The following ARMC8 variants were observed in gnomAD, a reference collection of about 807,000 sequenced individuals.
ARMC8 encodes armadillo repeat-containing protein 8.
ARMC8 carries 20 observed loss-of-function variants against 99.3 expected under a neutral mutation model. The observed-to-expected ratio is 0.20, with a 90% CI of 0.14 to 0.29. The LOEUF is 0.29. ARMC8 is among the 10% of genes least tolerant of loss of function. The probability of loss-of-function intolerance (pLI) is 1.00; values close to 1 mark genes in which losing one functional copy is unlikely to be tolerated. For synonymous variants in ARMC8, 263 were observed against 278.3 expected (o/e 0.95, Z 0.55); for missense variants, 569 against 809.5 (o/e 0.70, Z 3.60).
At chr3:138,267,911 T>G (rs887868877) in intron 15 of ARMC8, among the ~76,000 whole-genome samples, 1 of 152,200 alleles carries the variant, frequency 6.6e-6, no homozygotes, top group East Asian at 1.9e-4. Flanking sequence ...ATAACACTTG[T>G]AGGCATTGAC....
At chr3:138,265,182 GC>G (rs1393024073) in intron 14 of ARMC8, among the ~76,000 whole-genome samples, 1 of 152,068 alleles carries the variant, frequency 6.6e-6, no homozygotes. Context: ...ACAGGTATGA[GC>G]CACCATGCCT....
chr3:138,254,960 C>T (rs2047308520), intron 12 of ARMC8, among the ~76,000 whole-genome samples: 1 of 152,082 alleles, frequency 6.6e-6, no homozygotes, highest in Non-Finnish European at 1.5e-5. Context: ...AATATGTACC[C>T]CTCTTCTTTA....
At chr3:138,194,438 C>T (rs1432475173) in intron 1 of ARMC8, among the ~76,000 whole-genome samples, 8 of 142,130 alleles carry the variant, frequency 5.6e-5, no homozygotes, top group Middle Eastern at 4.4e-3. Context: ...CCCAGGTTCA[C>T]ACCATTCTCC....
chr3:138,222,320 G>GT (rs1215849396), intron 3 of ARMC8, among the ~76,000 whole-genome samples: 1 of 152,192 alleles, frequency 6.6e-6, no homozygotes, highest in Non-Finnish European at 1.5e-5. Flanking sequence ...AGCCTTGGCA[G>GT]TTTTTTGTGT....
rs530659225 is a variant in ARMC8 at position 138,231,416 on chromosome 3, T to C, written c.528+2406T>C. On this transcript the variant is annotated intron_variant, in intron 6 of 21. Coordinates refer to ENST00000469044, the MANE Select transcript of ARMC8 (RefSeq NM_001363941.2). ...TTGACTGGTATCAATATTAAATAAA[T>C]TTACATACTTTGGGGGAGGGAAAAA... is the stretch of plus-strand genomic sequence containing the variant. 3.9e-5 allele frequency among the ~76,000 whole-genome samples: 6 copies of C among 152,200 alleles called. No individual in the cohort carries two copies. The South Asian group carries it at 1.2e-3, about 32-fold the overall frequency.
intron 1 of ARMC8, among the ~76,000 whole-genome samples, chr3:138,198,288 T>C (rs941083120): frequency 2.0e-5 from 3 of 152,044 alleles, no homozygotes; most frequent in African/African-American, 7.2e-5. Context: ...AGAAACTCCC[T>C]CTTTGTTTGA....
intron 18 of ARMC8, among the ~76,000 whole-genome samples, chr3:138,278,142 A>G (rs979603793): frequency 1.3e-5 from 2 of 152,198 alleles, no homozygotes; most frequent in Non-Finnish European, 2.9e-5. Context: ...GCACAGGACA[A>G]TTTAGGGAGG....
intron 1 of ARMC8, among the ~76,000 whole-genome samples, chr3:138,201,436 C>CCT (rs2044064743): frequency 1.5e-5 from 1 of 64,996 alleles, no homozygotes; most frequent in Non-Finnish European, 3.4e-5. Context: ...CTTCCCCTCC[C>CCT]TTTTTTTTTT....
At chr3:138,290,033 T>C (rs2050791237) in intron 20 of ARMC8, among the ~76,000 whole-genome samples, 1 of 152,156 alleles carries the variant, frequency 6.6e-6, no homozygotes, top group Non-Finnish European at 1.5e-5. Flanking sequence ...CAAGGAGATG[T>C]TAGTCTAGTT....
intron 6 of ARMC8, among the ~76,000 whole-genome samples, chr3:138,234,667 A>G (rs1044145093): frequency 4.6e-5 from 7 of 152,336 alleles, no homozygotes; most frequent in South Asian, 4.1e-4. Context: ...TAATGTGCAC[A>G]TGAAATGCAG....
At chr3:138,246,129 T>C in intron 12 of ARMC8, 2 of 985,514 alleles carry the variant, frequency 2.0e-6, no homozygotes, top group Non-Finnish European at 2.4e-6. Context: ...AAGAGGAGTA[T>C]GGAACAACCT....
chr3:138,270,881 A>C (rs755072103), intron 16 of ARMC8, among the ~76,000 whole-genome samples: 1 of 152,186 alleles, frequency 6.6e-6, no homozygotes, highest in Non-Finnish European at 1.5e-5. Context: ...TTTTTAAAAC[A>C]TATTTATACT....
rs776006379 is a variant in ARMC8 at position 138,235,129 on chromosome 3, A to G, written c.609+15A>G. 1 of 1,591,056 alleles carries G rather than the reference A, an allele frequency of 6.3e-7. No homozygotes were observed. The highest frequency in any genetic ancestry group is 8.6e-7 in the Non-Finnish European group (1 of 1,159,874). Reference sequence around the variant, plus strand: ...TGTCCTACAAAGTAAGATGTTAAAAATTGTGGCCAGATTTGTATACCTTGT... The same window carrying G: ...TGTCCTACAAAGTAAGATGTTAAAAGTTGTGGCCAGATTTGTATACCTTGT... On this transcript the variant is annotated intron_variant, in intron 7 of 21. Coordinates refer to ENST00000469044, the MANE Select transcript of ARMC8 (RefSeq NM_001363941.2).
chr3:138,230,627 C>G (rs1387389567), intron 6 of ARMC8, among the ~76,000 whole-genome samples: 1 of 152,048 alleles, frequency 6.6e-6, no homozygotes, highest in Non-Finnish European at 1.5e-5. Flanking sequence ...GTACTTCAGC[C>G]TGAGTCACAG....
At chr3:138,210,219 G>T (rs2044616382) in intron 2 of ARMC8, among the ~76,000 whole-genome samples, 1 of 152,184 alleles carries the variant, frequency 6.6e-6, no homozygotes, top group Admixed American at 6.5e-5. Context: ...TAATTGGAAT[G>T]CAGTGAAAGA....
At chr3:138,243,543 C>A (rs1559980294) in intron 11 of ARMC8, among the ~76,000 whole-genome samples, 1 of 152,086 alleles carries the variant, frequency 6.6e-6, no homozygotes, top group Non-Finnish European at 1.5e-5. Flanking sequence ...AGTGAGTATT[C>A]TGTATTGGGA....
In ARMC8 at chr3:138,263,672, C is replaced by G. The variant is rs1343165003; in HGVS notation, c.1135-67C>G. 1.2e-5 allele frequency: 15 copies of G among 1,285,092 alleles called. No individual in the cohort carries two copies. In the African/African-American group the frequency reaches 1.5e-4, roughly 13 times the overall value. 79.6% of individuals were successfully genotyped at this position (1,285,092 alleles called of 1,614,324 possible). ...CTTTTAATGGATGTTAACATACTTG[C>G]ATTTACAAGCAGTGAAGTTTGTCAC... On this transcript the variant is annotated intron_variant, in intron 12 of 21. Coordinates refer to ENST00000469044, the MANE Select transcript of ARMC8 (RefSeq NM_001363941.2).
chr3:138,263,679 A>G, intron 12 of ARMC8, 60 bp from the exon 13 acceptor site: 1 of 1,358,970 alleles, frequency 7.4e-7, no homozygotes. Context: ...TTGCATTTAC[A>G]AGCAGTGAAG....
intron 21 of ARMC8, among the ~76,000 whole-genome samples, chr3:138,291,369 T>C (rs2050932268): frequency 6.6e-6 from 1 of 152,220 alleles, no homozygotes; most frequent in African/African-American, 2.4e-5. Flanking sequence ...GTAGCACACC[T>C]TCGTGCATTT....
Sources: allele counts gnomAD v4.1 joint callset (sites outside exome capture counted in the v4.1 genomes callset), GRCh38; gene constraint gnomAD v4.1.1; transcripts MANE v1.5; gene names NCBI Gene and HGNC (gene_info 2026-07-23, HGNC 2026-07-21).